Variants in BABAM2 observed in about 807,000 individuals in gnomAD.
The protein encoded by BABAM2 is BRISC and BRCA1-A complex member 2.
Under a neutral mutation model 54.7 loss-of-function variants are expected in BABAM2, and 31 were observed. The ratio of observed to expected loss-of-function variants is 0.57; its 90% confidence interval spans 0.43 to 0.77. BABAM2 has a LOEUF of 0.77. BABAM2 is among the 30% of genes least tolerant of loss of function. The pLI, the probability that BABAM2 is intolerant of heterozygous loss-of-function variation, is 0.00. For synonymous variants in BABAM2, 167 were observed against 162.9 expected (o/e 1.03, Z -0.19); for missense variants, 364 against 455.8 (o/e 0.80, Z 1.83).
intron 5 of BABAM2, among the ~76,000 whole-genome samples, chr2:28,033,884 C>G (rs1676475771): frequency 6.6e-6 from 1 of 151,500 alleles, no homozygotes; most frequent in Middle Eastern, 3.4e-3. Flanking sequence ...AATGGGTGAT[C>G]TGTGAGAGAA....
In BABAM2 at chr2:28,230,879, G is replaced by A. The variant is rs55996903; in HGVS notation, c.681-6323G>A. On this transcript the variant is annotated intron_variant, in intron 7 of 11. Coordinates refer to ENST00000379624, the MANE Select transcript of BABAM2 (RefSeq NM_199191.3). ...TGGTATCTTTAAGATGATAAAAAGT[G>A]AGATGACAAGGTGATTAATTTTATG... Among the ~76,000 whole-genome samples, 922 of 152,260 alleles carry A rather than the reference G, an allele frequency of 6.1e-3. 12 individuals are homozygous for A. The highest frequency in any genetic ancestry group is 0.021 in the African/African-American group (880 of 41,552).
chr2:28,247,802 T>C (rs1303242532), intron 10 of BABAM2, among the ~76,000 whole-genome samples: 6 of 152,172 alleles, frequency 3.9e-5, no homozygotes, highest in Non-Finnish European at 7.3e-5. Flanking sequence ...GGCACTCTTC[T>C]TGAGACAGAC....
chr2:28,139,750 T>G (rs996040260), intron 7 of BABAM2, among the ~76,000 whole-genome samples: 9 of 152,222 alleles, frequency 5.9e-5, no homozygotes, highest in Admixed American at 1.3e-4. Context: ...AATGACATAC[T>G]AGAGATATTC....
intron 5 of BABAM2, among the ~76,000 whole-genome samples, chr2:28,027,857 C>G (rs1299698881): frequency 6.6e-6 from 1 of 152,170 alleles, no homozygotes; most frequent in Non-Finnish European, 1.5e-5. Context: ...CACCTCTCCT[C>G]TATTTTTTAC....
intron 2 of BABAM2, chr2:27,896,418 T>G (rs1328764857): frequency 1.3e-5 from 2 of 153,798 alleles, no homozygotes; most frequent in Admixed American, 1.3e-4. Flanking sequence ...GGCATCCACT[T>G]TTGCCATTTC....
At chr2:28,193,019 A>G (rs1677109360) in intron 7 of BABAM2, among the ~76,000 whole-genome samples, 2 of 151,740 alleles carry the variant, frequency 1.3e-5, no homozygotes, top group African/African-American at 4.8e-5. Flanking sequence ...TAAAAATACA[A>G]AAAAAGTAGC....
chr2:28,280,509 CAAGTCTTA>C (rs1686262283), intron 10 of BABAM2, among the ~76,000 whole-genome samples: 1 of 152,130 alleles, frequency 6.6e-6, no homozygotes, highest in Non-Finnish European at 1.5e-5. Context: ...TCTTTTTGTA[CAAGTCTTA>C]AACTGCTCTG....
rs898244194 is a variant in BABAM2, at chr2:28,336,264, C to T, written c.1089-2186C>T. On this transcript the variant is annotated intron_variant, in intron 11 of 11. Coordinates refer to ENST00000379624, the MANE Select transcript of BABAM2 (RefSeq NM_199191.3). ...GGCAGGAACCTTGAGGATGAATTCA[C>T]CGTAGGGGTTTAGGGAGAATGGAAA... 7.2e-5 allele frequency among the ~76,000 whole-genome samples: 11 copies of T among 152,262 alleles called. No individual in the cohort carries two copies. In the South Asian group the frequency reaches 2.1e-3, roughly 29 times the overall value.
At chr2:27,923,795 A>G (rs951568313) in intron 2 of BABAM2, among the ~76,000 whole-genome samples, 3 of 152,032 alleles carry the variant, frequency 2.0e-5, no homozygotes, top group African/African-American at 7.2e-5. Context: ...ACATGGTGAA[A>G]CCTTGCCTCT....
intron 6 of BABAM2, among the ~76,000 whole-genome samples, chr2:28,059,836 A>T (rs1678719189): frequency 6.6e-6 from 1 of 152,162 alleles, no homozygotes; most frequent in African/African-American, 2.4e-5. Context: ...AGAAGTAGAT[A>T]ATTTGGATAG....
chr2:28,108,161 T>C (rs762378384), intron 6 of BABAM2, among the ~76,000 whole-genome samples: 9 of 151,980 alleles, frequency 5.9e-5, no homozygotes, highest in Non-Finnish European at 1.2e-4. Context: ...GGTTTTCACA[T>C]ATATATATAT....
At chr2:27,893,750 C>A (rs1031560123) in intron 1 of BABAM2, among the ~76,000 whole-genome samples, 2 of 152,090 alleles carry the variant, frequency 1.3e-5, no homozygotes, top group Non-Finnish European at 2.9e-5. Flanking sequence ...AATCCCAGCA[C>A]TTTGGGAGGC....
chr2:28,218,753 C>A (rs1185487425), intron 7 of BABAM2, among the ~76,000 whole-genome samples: 1 of 152,168 alleles, frequency 6.6e-6, no homozygotes, highest in Non-Finnish European at 1.5e-5. Flanking sequence ...CTTTCACCCA[C>A]TAGTTTTGAC....
chr2:28,090,333 C>T (rs188693422), intron 6 of BABAM2, among the ~76,000 whole-genome samples: 3 of 152,200 alleles, frequency 2.0e-5, no homozygotes, highest in Admixed American at 6.5e-5. Context: ...CAACCTCCCC[C>T]TCCTGGGTTC....
At chr2:28,205,786 CACTT>C (rs775739311) in intron 7 of BABAM2, among the ~76,000 whole-genome samples, 8 of 152,150 alleles carry the variant, frequency 5.3e-5, no homozygotes, top group East Asian at 1.9e-4. Flanking sequence ...ATATATATCT[CACTT>C]ACAGCAATAA....
intron 6 of BABAM2, among the ~76,000 whole-genome samples, chr2:28,097,399 T>C (rs1666720817): frequency 6.6e-6 from 1 of 152,228 alleles, no homozygotes; most frequent in East Asian, 1.9e-4. Flanking sequence ...TTATCATTTT[T>C]ATTTATTTTT....
At chr2:28,047,692 A>G (rs1361209563) in intron 6 of BABAM2, among the ~76,000 whole-genome samples, 1 of 152,246 alleles carries the variant, frequency 6.6e-6, no homozygotes, top group Non-Finnish European at 1.5e-5. Context: ...CCAAAACAGT[A>G]ATGTTGTTTA....
chr2:28,182,722 C>T (rs1390350601), intron 7 of BABAM2, among the ~76,000 whole-genome samples: 2 of 152,216 alleles, frequency 1.3e-5, no homozygotes, highest in African/African-American at 4.8e-5. Flanking sequence ...CATCTAACAT[C>T]TGTATACCGT....
chr2:28,086,492 A>G (rs1665652360), intron 6 of BABAM2, among the ~76,000 whole-genome samples: 1 of 152,222 alleles, frequency 6.6e-6, no homozygotes, highest in Non-Finnish European at 1.5e-5. Context: ...TGTTCAATGC[A>G]TGTGAATACC....
Sources: gnomAD v4.1 joint callset for allele counts (sites outside exome capture counted in the v4.1 genomes callset) on GRCh38, gnomAD v4.1.1 for gene constraint, MANE v1.5 for transcripts, NCBI Gene and HGNC (gene_info 2026-07-23, HGNC 2026-07-21) for gene names.